Variants in CCBE1 observed in about 807,000 individuals in gnomAD.
CCBE1 encodes collagen and calcium binding EGF domains 1.
CCBE1 carries 37 observed loss-of-function variants against 50.0 expected under a neutral mutation model. The ratio of observed to expected loss-of-function variants is 0.74; its 90% CI spans 0.57 to 0.97. The LOEUF is 0.97. Among genes scored for constraint, CCBE1 ranks in the 50% least tolerant of loss-of-function variants. CCBE1 has a pLI of 0.00. For synonymous variants in CCBE1, 234 were observed against 203.7 expected, an observed-to-expected ratio of 1.15 and a Z score of -1.27; for missense variants, 538 against 523.8, an observed-to-expected ratio of 1.03 and a Z score of -0.26.
At chr18:59,668,282 G>A (rs2054382670) in intron 2 of CCBE1, among the ~76,000 whole-genome samples, 2 of 152,098 alleles carry the variant, frequency 1.3e-5, no homozygotes, top group South Asian at 4.2e-4. Flanking sequence ...GCCGGGCATA[G>A]TGGTGGGTGC....
At chr18:59,633,536 C>T (rs1382582144) in intron 2 of CCBE1, among the ~76,000 whole-genome samples, 1 of 152,230 alleles carries the variant, frequency 6.6e-6, no homozygotes, top group Non-Finnish European at 1.5e-5. Flanking sequence ...CCTCTATCAT[C>T]ATCTGTACAT....
At chr18:59,477,233 A>T (rs1309562165) in intron 3 of CCBE1, among the ~76,000 whole-genome samples, 2 of 152,222 alleles carry the variant, frequency 1.3e-5, no homozygotes, top group African/African-American at 2.4e-5. Context: ...GAACACCAGA[A>T]ACACCTTAGG....
chr18:59,604,547 G>T (rs902954236), intron 2 of CCBE1, among the ~76,000 whole-genome samples: 1 of 152,190 alleles, frequency 6.6e-6, no homozygotes, highest in African/African-American at 2.4e-5. Context: ...AACATACTAA[G>T]TAAGTGGCTA....
At chr18:59,618,260 G>A (rs1444553446) in intron 2 of CCBE1, among the ~76,000 whole-genome samples, 1 of 151,784 alleles carries the variant, frequency 6.6e-6, no homozygotes, top group African/African-American at 2.4e-5. Context: ...ACCAGCTTGG[G>A]AAACATCAGG....
At chr18:59,458,781 G>A (rs761649913) in intron 5 of CCBE1, among the ~76,000 whole-genome samples, 11 of 152,204 alleles carry the variant, frequency 7.2e-5, no homozygotes, top group African/African-American at 2.2e-4. Flanking sequence ...GAAGCTCTGC[G>A]GAGTGACCTG....
At chr18:59,473,559 G>C (rs994153763) in intron 3 of CCBE1, among the ~76,000 whole-genome samples, 2 of 130,796 alleles carry the variant, frequency 1.5e-5, no homozygotes, top group African/African-American at 2.9e-5. Context: ...TGGACTTTAT[G>C]TCTAATATTC....
chr18:59,463,322 G>T (rs936793737), intron 5 of CCBE1, among the ~76,000 whole-genome samples: 1 of 152,064 alleles, frequency 6.6e-6, no homozygotes, highest in Admixed American at 6.5e-5. Context: ...AGACCTCCTG[G>T]GTTCAAGTGA....
chr18:59,620,093 G>A (rs1293895005), intron 2 of CCBE1, among the ~76,000 whole-genome samples: 2 of 152,136 alleles, frequency 1.3e-5, no homozygotes, highest in African/African-American at 4.8e-5. Flanking sequence ...GGAAGAGGAG[G>A]GAGAGAGGGG....
intron 2 of CCBE1, chr18:59,568,654 A>G (rs1409702328): frequency 1.3e-5 from 2 of 152,220 alleles, no homozygotes; most frequent in Non-Finnish European, 2.9e-5. Context: ...GACCAAAAAC[A>G]GTGCACGCTG....
chr18:59,480,060 T>C (rs1568162580), intron 3 of CCBE1, 126 bp downstream of exon 3: 5 of 709,250 alleles, frequency 7.0e-6, no homozygotes, highest in Admixed American at 5.6e-5. Flanking sequence ...CCAAAAAATA[T>C]ACACAGACAG....
At chr18:59,485,556 C>A (rs998963482) in intron 2 of CCBE1, among the ~76,000 whole-genome samples, 17 of 151,422 alleles carry the variant, frequency 1.1e-4, no homozygotes, top group African/African-American at 3.6e-4. Context: ...CCTTGCATGG[C>A]TGCTTATTCA....
chr18:59,647,873 A>G (rs1333214207), intron 2 of CCBE1, among the ~76,000 whole-genome samples: 1 of 152,246 alleles, frequency 6.6e-6, no homozygotes, highest in African/African-American at 2.4e-5. Flanking sequence ...CTCATGTTGT[A>G]TGATTGTGTA....
intron 2 of CCBE1, among the ~76,000 whole-genome samples, chr18:59,498,401 C>T (rs982287915): frequency 5.9e-5 from 9 of 152,164 alleles, no homozygotes. Context: ...GTTTCGCAGA[C>T]AGAAGTCCTT....
At chr18:59,584,561 G>T (rs1039764815) in intron 2 of CCBE1, among the ~76,000 whole-genome samples, 8 of 152,128 alleles carry the variant, frequency 5.3e-5, no homozygotes, top group African/African-American at 1.4e-4. Context: ...GGAAGTGATT[G>T]GATCACAGGG....
chr18:59,521,376 G>T lies in CCBE1; in HGVS notation c.213-41138C>A, dbSNP rs182759276. On this transcript the variant is annotated intron_variant, in intron 2 of 10. Coordinates refer to ENST00000439986, the MANE Select transcript of CCBE1 (RefSeq NM_133459.4). ...TGACAATAAAGAAATGTATCCATGA[G>T]TTACGTGGATTGCAGGTGATTCTGG... Among the ~76,000 whole-genome samples, 248 of 152,316 alleles carry T rather than the reference G, an allele frequency of 1.6e-3. 2 individuals are homozygous for T. Among genetic ancestry groups the T allele is most frequent in the African/African-American group, 5.6e-3 (234 of 41,566 alleles).
At chr18:59,469,276 T>C (rs991133015) in intron 4 of CCBE1, among the ~76,000 whole-genome samples, 197 bp downstream of exon 4, 1 of 152,256 alleles carries the variant, frequency 6.6e-6, no homozygotes, top group African/African-American at 2.4e-5. Flanking sequence ...ACCTTGCTGG[T>C]ACCAAATCCC....
chr18:59,488,116 T>C (rs1241454498), intron 2 of CCBE1, among the ~76,000 whole-genome samples: 2 of 152,310 alleles, frequency 1.3e-5, no homozygotes, highest in Admixed American at 6.5e-5. Flanking sequence ...TGATTCCACT[T>C]ATACGAGGTA....
At chr18:59,593,551 A>G (rs994213635) in intron 2 of CCBE1, among the ~76,000 whole-genome samples, 2 of 152,196 alleles carry the variant, frequency 1.3e-5, no homozygotes, top group African/African-American at 4.8e-5. Context: ...TGAAAATACA[A>G]TCCCATTTTC....
intron 2 of CCBE1, among the ~76,000 whole-genome samples, chr18:59,531,900 G>C (rs2144355974): frequency 6.6e-6 from 1 of 152,282 alleles, no homozygotes; most frequent in Non-Finnish European, 1.5e-5. Context: ...GTGAAGATCA[G>C]CCTCAATTTA....
Sources: gnomAD v4.1 joint callset for allele counts (sites outside exome capture counted in the v4.1 genomes callset) on GRCh38, gnomAD v4.1.1 for gene constraint, MANE v1.5 for transcripts, NCBI Gene and HGNC (gene_info 2026-07-23, HGNC 2026-07-21) for gene names.